SYNPR: variants seen among roughly 807,000 people sequenced by gnomAD.
SYNPR encodes the protein synaptoporin.
In SYNPR, 23 loss-of-function variants were observed where a neutral mutation model predicts 32.9. The ratio of observed to expected loss-of-function variants is 0.70; its 90% confidence interval spans 0.50 to 0.99. SYNPR has a LOEUF of 0.99. Among genes scored for constraint, SYNPR ranks in the 50% least tolerant of loss-of-function variants. The pLI is 0.00. For synonymous variants in SYNPR, 146 were observed against 135.9 expected (o/e 1.07, Z -0.52); for missense variants, 318 against 349.3 (o/e 0.91, Z 0.71).
At chr3:63,320,825 A>G (rs1230776265) in intron 2 of SYNPR, among the ~76,000 whole-genome samples, 1 of 152,098 alleles carries the variant, frequency 6.6e-6, no homozygotes, top group African/African-American at 2.4e-5. Context: ...GTGATTTACT[A>G]TGTGGCCTTC....
At chr3:63,334,485 C>T (rs1259176383) in intron 2 of SYNPR, among the ~76,000 whole-genome samples, 3 of 151,576 alleles carry the variant, frequency 2.0e-5, no homozygotes, top group African/African-American at 4.9e-5. Context: ...TGAAGTTCAG[C>T]CTAAAATTTC....
intron 3 of SYNPR, among the ~76,000 whole-genome samples, chr3:63,490,637 A>G (rs1701241946): frequency 6.6e-6 from 1 of 152,122 alleles, no homozygotes; most frequent in Non-Finnish European, 1.5e-5. Context: ...TAGTTTTTCC[A>G]TCACTTTTCT....
intron 3 of SYNPR, among the ~76,000 whole-genome samples, chr3:63,552,540 T>C (rs1702521173): frequency 6.6e-6 from 1 of 152,150 alleles, no homozygotes; most frequent in Non-Finnish European, 1.5e-5. Flanking sequence ...ACAAATGGAC[T>C]TGAGAAATAA....
At chr3:63,218,371 A>G in the SYNPR span, among the ~76,000 whole-genome samples, 3 of 152,190 alleles carry the variant, frequency 2.0e-5, no homozygotes, top group African/African-American at 7.2e-5. Flanking sequence ...TAGTTAAGGT[A>G]TGGGAGGAAC....
At chr3:63,221,168 A>C in the SYNPR span, among the ~76,000 whole-genome samples, 2 of 152,154 alleles carry the variant, frequency 1.3e-5, no homozygotes, top group South Asian at 4.1e-4. Context: ...GCTTGGGTAA[A>C]TGACTTTAGT....
At chr3:63,389,160 G>T (rs2088097111) in intron 2 of SYNPR, among the ~76,000 whole-genome samples, 1 of 152,152 alleles carries the variant, frequency 6.6e-6, no homozygotes, top group South Asian at 2.1e-4. Context: ...ACAGTATATT[G>T]TAACAAACTT....
intron 3 of SYNPR, among the ~76,000 whole-genome samples, chr3:63,499,387 A>T (rs1181179016): frequency 1.3e-5 from 2 of 152,260 alleles, no homozygotes; most frequent in East Asian, 3.9e-4. Flanking sequence ...TGAGGAAATG[A>T]CCTGTTGTAG....
At chr3:63,339,713 T>A (rs13079372) in intron 2 of SYNPR, among the ~76,000 whole-genome samples, 31,747 of 151,430 alleles carry the variant, frequency 0.21, 3,773 homozygotes, top group South Asian at 0.39. Flanking sequence ...GCTTGAGTGC[T>A]GTGGCGAGAT....
intron 2 of SYNPR, among the ~76,000 whole-genome samples, chr3:63,299,601 G>T (rs1301653823): frequency 6.6e-6 from 1 of 152,106 alleles, no homozygotes; most frequent in Non-Finnish European, 1.5e-5. Context: ...CAGATACAGG[G>T]AGACAGGCAG....
chr3:63,363,151 C>T (rs1474993900), intron 2 of SYNPR, among the ~76,000 whole-genome samples: 1 of 152,080 alleles, frequency 6.6e-6, no homozygotes, highest in Non-Finnish European at 1.5e-5. Context: ...TACCACTTAC[C>T]TTATTGCTAT....
chr3:63,389,076 A>T (rs1158113001), intron 2 of SYNPR, among the ~76,000 whole-genome samples: 1 of 152,150 alleles, frequency 6.6e-6, no homozygotes, highest in Non-Finnish European at 1.5e-5. Flanking sequence ...ATCCGTTTGG[A>T]GTTGCAGTCA....
chr3:63,278,607 G>A (rs1357950550), intron 1 of SYNPR, 56 bp downstream of exon 1: 4 of 1,550,418 alleles, frequency 2.6e-6, no homozygotes, highest in Admixed American at 3.9e-5. Context: ...GGGATGCCGC[G>A]GCTTGGGAGA....
intron 2 of SYNPR, among the ~76,000 whole-genome samples, chr3:63,369,883 G>C (rs9882776): frequency 0.051 from 7,820 of 152,172 alleles, 623 homozygotes; most frequent in African/African-American, 0.17. Context: ...AGTTCATGAA[G>C]ACTAAGAAGA....
intron 2 of SYNPR, among the ~76,000 whole-genome samples, chr3:63,281,709 C>T (rs1265053532): frequency 6.6e-6 from 1 of 152,078 alleles, no homozygotes; most frequent in Non-Finnish European, 1.5e-5. Context: ...ACTTTGGGAA[C>T]TATATTTCAA....
At chr3:63,361,325 C>T (rs768064995) in intron 2 of SYNPR, among the ~76,000 whole-genome samples, 2 of 151,976 alleles carry the variant, frequency 1.3e-5, no homozygotes, top group Admixed American at 6.6e-5. Flanking sequence ...CGGTGGCTCA[C>T]GCCTGTAATC....
intron 2 of SYNPR, among the ~76,000 whole-genome samples, chr3:63,478,612 T>C (rs6778481): frequency 3.3e-5 from 5 of 152,102 alleles, no homozygotes; most frequent in African/African-American, 1.2e-4. Context: ...CACACACTTA[T>C]GACTCCTGCC....
chr3:63,204,415 G>A, the SYNPR span, among the ~76,000 whole-genome samples: 1 of 152,060 alleles, frequency 6.6e-6, no homozygotes, highest in Non-Finnish European at 1.5e-5. Flanking sequence ...TCTTATAAAG[G>A]CACTGGTCTT....
At chr3:63,338,731 C>G (rs1309553004) in intron 2 of SYNPR, among the ~76,000 whole-genome samples, 1 of 152,220 alleles carries the variant, frequency 6.6e-6, no homozygotes. Context: ...ACGATCTGAA[C>G]ACATACTCTA....
intron 1 of SYNPR, 26 bp from the exon 2 acceptor site, chr3:63,278,649 TTC>T: frequency 1.3e-6 from 2 of 1,551,148 alleles, no homozygotes; most frequent in Non-Finnish European, 1.7e-6. Flanking sequence ...ACGCTTTGCT[TTC>T]TCTCTCTCGC....
Sources: gnomAD v4.1 joint callset for allele counts (sites outside exome capture counted in the v4.1 genomes callset) on GRCh38, gnomAD v4.1.1 for gene constraint, MANE v1.5 for transcripts, NCBI Gene and HGNC (gene_info 2026-07-23, HGNC 2026-07-21) for gene names.